Variants in MRO observed in about 807,000 individuals in gnomAD.
MRO encodes the protein protein maestro.
In MRO, 28 loss-of-function variants were observed where a neutral mutation model predicts 31.0. The observed-to-expected ratio is 0.90, with a 90% confidence interval of 0.67 to 1.24. MRO has a LOEUF of 1.24. Among genes scored for constraint, MRO ranks in the 50% most tolerant of loss-of-function variants. MRO has a pLI of 0.00. For missense variants in MRO, 332 were observed against 289.2 expected, an observed-to-expected ratio of 1.15 and a Z score of -1.07; for synonymous variants, 108 against 108.4, an observed-to-expected ratio of 1.00 and a Z score of 0.02.
At chr18:50,803,224 T>C (rs1599012027) in intron 5 of MRO, among the ~76,000 whole-genome samples, 1 of 152,048 alleles carries the variant, frequency 6.6e-6, no homozygotes. Context: ...AAAAAAATGG[T>C]TGAAGGCCAG....
At chr18:50,807,477 C>T (rs919609483) in intron 3 of MRO, among the ~76,000 whole-genome samples, 1 of 151,694 alleles carries the variant, frequency 6.6e-6, no homozygotes, top group African/African-American at 2.4e-5. Flanking sequence ...TATCTGCAAA[C>T]ATCTAGTACA....
In MRO at chr18:50,798,135, T is replaced by C. The variant is rs1331096323; in HGVS notation, c.*1202A>G. On this transcript the variant is annotated 3_prime_UTR_variant, in exon 8 of 8. Transcript: ENST00000398439. ...TTCAGGGGTGGTACCAGAGTTTCTA[T>C]AGAAGCTTGGGATGCAATCTGGTTA... 2.0e-5 allele frequency: 3 copies of C among 152,170 alleles called. No homozygotes were observed. Among genetic ancestry groups the C allele is most frequent in the Non-Finnish European group, 2.9e-5 (2 of 68,024 alleles). The allele number at this position is 152,170 out of a possible 1,614,324, so 9.4% of individuals were successfully genotyped here. A position where few individuals can be genotyped will look rare whatever the true frequency, so the allele number is the denominator to read the frequency against.
At chr18:50,806,872 T>C in intron 3 of MRO, 22 bp from the exon 4 acceptor site, 1 of 1,613,358 alleles carries the variant, frequency 6.2e-7, no homozygotes, top group Non-Finnish European at 8.5e-7. Context: ...GTCAAAAATG[T>C]ATTAATTTGG....
At chr18:50,808,471 T>TTTA (rs1555669105) in intron 3 of MRO, among the ~76,000 whole-genome samples, 1 of 150,694 alleles carries the variant, frequency 6.6e-6, no homozygotes, top group Admixed American at 6.6e-5. Context: ...TTTTTTTTTT[T>TTTA]AATTTAAGAC....
chr18:50,817,968 T>C (rs1355811056), intron 2 of MRO, among the ~76,000 whole-genome samples: 1 of 151,882 alleles, frequency 6.6e-6, no homozygotes, highest in East Asian at 1.9e-4. Context: ...GTGTTTCTTG[T>C]ACTTGCAGCT....
intron 2 of MRO, among the ~76,000 whole-genome samples, chr18:50,817,875 C>G (rs563170496): frequency 2.6e-5 from 4 of 152,092 alleles, no homozygotes; most frequent in Non-Finnish European, 5.9e-5. Context: ...TTCTAGGATG[C>G]TATTCTTCAG....
At chr18:50,820,094 C>T, upstream of MRO, 1 of 831,600 alleles carries the variant, frequency 1.2e-6, no homozygotes. Context: ...GGCGGCATGA[C>T]TCAATGGACG....
At chr18:50,812,091 TC>T (rs1212072053) in intron 2 of MRO, among the ~76,000 whole-genome samples, 2 of 152,154 alleles carry the variant, frequency 1.3e-5, no homozygotes, top group Non-Finnish European at 2.9e-5. Flanking sequence ...CAAACTGTTT[TC>T]CACAGTGGTT....
chr18:50,818,837 G>C (rs1161025491), intron 2 of MRO, among the ~76,000 whole-genome samples: 2 of 152,112 alleles, frequency 1.3e-5, no homozygotes, highest in African/African-American at 4.8e-5. Context: ...CAGATTGCTT[G>C]AGGTCAGGAG....
At chr18:50,822,731 T>C (rs1915352529), upstream of MRO, among the ~76,000 whole-genome samples, 1 of 121,422 alleles carries the variant, frequency 8.2e-6, no homozygotes, top group Non-Finnish European at 1.6e-5. Flanking sequence ...CTAAACTCTG[T>C]CTTGATTTTC....
At chr18:50,817,514 A>G in intron 2 of MRO, among the ~76,000 whole-genome samples, 1 of 148,916 alleles carries the variant, frequency 6.7e-6, no homozygotes, top group African/African-American at 2.5e-5. Context: ...AATAAATAAT[A>G]ATAATAACAA....
intron 4 of MRO, among the ~76,000 whole-genome samples, chr18:50,805,918 C>T (rs543915754): frequency 6.6e-6 from 1 of 151,900 alleles, no homozygotes; most frequent in East Asian, 1.9e-4. Context: ...ACCTGTGACT[C>T]GCTTCCAGCC....
At chr18:50,806,622 C>G in intron 4 of MRO, 82 bp downstream of exon 4, 1 of 1,529,922 alleles carries the variant, frequency 6.5e-7, no homozygotes, top group Non-Finnish European at 9.0e-7. Flanking sequence ...CAACAGACAC[C>G]ATACTCCAGC....
chr18:50,797,927 A>C lies in MRO; in HGVS notation c.*1410T>G, dbSNP rs1248530057. The C allele has an allele frequency of 1.3e-5, 2 of 152,252 alleles. No individual in the cohort carries two copies. The highest frequency in any genetic ancestry group is 2.9e-5 in the Non-Finnish European group (2 of 68,064). 9.4% of individuals were successfully genotyped at this position (152,252 alleles called of 1,614,324 possible). A position where few individuals can be genotyped will look rare whatever the true frequency, so the allele number is the denominator to read the frequency against. On this transcript the variant is annotated 3_prime_UTR_variant, in exon 8 of 8. Transcript: ENST00000398439. The stretch of plus-strand genomic sequence containing the variant: ...TCTGTCTGCCATCTCCCACATCCTC[A>C]TCTCGCCTAGGTCTCTCCTCATCCC...
At chr18:50,820,318 T>TC (rs1267063424), upstream of MRO, among the ~76,000 whole-genome samples, 1 of 152,116 alleles carries the variant, frequency 6.6e-6, no homozygotes, top group Non-Finnish European at 1.5e-5. Flanking sequence ...CGATTTAAGC[T>TC]CTCAAAATGA....
Position 50,806,385 on chromosome 18 carries a change from A to G in MRO, c.246+319T>C, listed in dbSNP as rs553046799. ...AAAAAAACAGAAACCTCTGTCCCAC[A>G]ATGGGAAGTAACTGAATTCTGCCAA... On this transcript the variant is annotated intron_variant, in intron 4 of 7. Transcript: ENST00000398439. Among the ~76,000 whole-genome samples, 7 of 152,254 alleles carry G rather than the reference A, an allele frequency of 4.6e-5. No homozygotes were observed. In the East Asian group the frequency reaches 1.4e-3, roughly 29 times the overall value.
chr18:50,805,089 C>T, intron 5 of MRO, 65 bp downstream of exon 5: 1 of 1,406,452 alleles, frequency 7.1e-7, no homozygotes, highest in South Asian at 1.2e-5. Context: ...CCGCACCCGG[C>T]CCCACAGTCA....
At chr18:50,822,304 T>TGCGTGC (rs1164924184), upstream of MRO, among the ~76,000 whole-genome samples, 47,753 of 151,500 alleles carry the variant, frequency 0.32, 7,826 homozygotes, top group Non-Finnish European at 0.36. Context: ...ACATGTGTAT[T>TGCGTGC]ACAATGTGTA....
chr18:50,824,507 T>C (rs1311885494), upstream of MRO, among the ~76,000 whole-genome samples: 1 of 149,462 alleles, frequency 6.7e-6, no homozygotes, highest in Non-Finnish European at 1.5e-5. Flanking sequence ...TAGACTGGAG[T>C]GCAATATTGC....
Sources: gnomAD v4.1 joint callset for allele counts (sites outside exome capture counted in the v4.1 genomes callset) on GRCh38, gnomAD v4.1.1 for gene constraint, MANE v1.5 for transcripts, NCBI Gene and HGNC (gene_info 2026-07-23, HGNC 2026-07-21) for gene names.